GRIK2: variants seen among roughly 807,000 people sequenced by gnomAD.
GRIK2 encodes the protein glutamate ionotropic receptor kainate type subunit 2.
GRIK2 carries 32 observed loss-of-function variants against 100.3 expected under a neutral mutation model. That is an observed-to-expected ratio of 0.32 (90% CI 0.24 to 0.43). The LOEUF (loss-of-function observed/expected upper bound fraction) is 0.43, where lower values mean the gene tolerates loss of function less well. Ranked by LOEUF, GRIK2 falls within the 20% of genes least tolerant of loss-of-function variation. The pLI is 1.00. For missense variants in GRIK2, 843 were observed against 1,114.9 expected (o/e 0.76, Z 3.47); for synonymous variants, 417 against 389.4 (o/e 1.07, Z -0.83).
intron 14 of GRIK2, among the ~76,000 whole-genome samples, chr6:101,991,425 T>C (rs2128492276): frequency 6.6e-6 from 1 of 151,152 alleles, no homozygotes; most frequent in Admixed American, 6.6e-5. Flanking sequence ...ATATTTTCTT[T>C]TGTTTTGTAA....
At chr6:101,975,340 G>T (rs1252239189) in intron 14 of GRIK2, among the ~76,000 whole-genome samples, 2 of 151,922 alleles carry the variant, frequency 1.3e-5, no homozygotes, top group Non-Finnish European at 2.9e-5. Context: ...CAGGTATTTA[G>T]TCAGTGACCT....
At chr6:101,419,271 T>C (rs538325343) in intron 2 of GRIK2, among the ~76,000 whole-genome samples, 1 of 152,342 alleles carries the variant, frequency 6.6e-6, no homozygotes, top group Non-Finnish European at 1.5e-5. Context: ...CAGTTCTTTC[T>C]ACCTACAACC....
chr6:101,752,086 A>G (rs1425715557), intron 7 of GRIK2, among the ~76,000 whole-genome samples: 1 of 152,218 alleles, frequency 6.6e-6, no homozygotes, highest in East Asian at 1.9e-4. Flanking sequence ...TCCTTTATTT[A>G]CCACTTTTCA....
intron 14 of GRIK2, among the ~76,000 whole-genome samples, chr6:101,983,863 A>C (rs78508411): frequency 3.9e-4 from 59 of 151,804 alleles, no homozygotes; most frequent in Non-Finnish European, 7.2e-4. Flanking sequence ...AAATTCATAC[A>C]CTGGTCTTTA....
At chr6:101,402,943 T>A (rs1775402299) in intron 2 of GRIK2, among the ~76,000 whole-genome samples, 1 of 152,180 alleles carries the variant, frequency 6.6e-6, no homozygotes, top group Non-Finnish European at 1.5e-5. Flanking sequence ...GCCTCTAAGC[T>A]GAACTGCGGC....
chr6:101,850,444 T>G (rs1233130394), intron 10 of GRIK2, among the ~76,000 whole-genome samples: 2 of 152,024 alleles, frequency 1.3e-5, no homozygotes, highest in Non-Finnish European at 2.9e-5. Context: ...TTAATGTCCC[T>G]ATGTTTTAAG....
intron 14 of GRIK2, among the ~76,000 whole-genome samples, chr6:101,973,463 T>C (rs1793182627): frequency 6.6e-6 from 1 of 152,026 alleles, no homozygotes; most frequent in Admixed American, 6.6e-5. Context: ...CATTAAAACT[T>C]ATAATGCAAG....
chr6:102,038,695 C>T (rs920968037), intron 15 of GRIK2, among the ~76,000 whole-genome samples: 1 of 141,814 alleles, frequency 7.1e-6, no homozygotes, highest in East Asian at 2.1e-4. Context: ...AAAAATATTC[C>T]TTGAGGTTCT....
chr6:101,479,873 C>T (rs1772438069), intron 2 of GRIK2, among the ~76,000 whole-genome samples: 1 of 151,800 alleles, frequency 6.6e-6, no homozygotes. Flanking sequence ...TTTTAATTTC[C>T]TGTTTTAAGG....
intron 2 of GRIK2, among the ~76,000 whole-genome samples, chr6:101,614,858 C>T (rs1439673610): frequency 3.3e-5 from 5 of 151,732 alleles, no homozygotes; most frequent in African/African-American, 4.8e-5. Flanking sequence ...TTAGATGTGA[C>T]GTTGGTTGGT....
intron 2 of GRIK2, among the ~76,000 whole-genome samples, chr6:101,509,325 C>T (rs1020025455): frequency 1.3e-5 from 2 of 152,066 alleles, no homozygotes; most frequent in Non-Finnish European, 2.9e-5. Flanking sequence ...AAGATAAGGC[C>T]TTCAGTGTAT....
chr6:101,424,333 C>A (rs1398482848), intron 2 of GRIK2, among the ~76,000 whole-genome samples: 1 of 149,900 alleles, frequency 6.7e-6, no homozygotes, highest in African/African-American at 2.5e-5. Flanking sequence ...CCCCACCCCA[C>A]AACAGGCCCT....
At chr6:102,063,811 A>G (rs1771871642) in intron 16 of GRIK2, 2 of 496,450 alleles carry the variant, frequency 4.0e-6, no homozygotes, top group African/African-American at 2.0e-5. Context: ...AGTTCATACT[A>G]TCAAGATTTC....
At chr6:101,878,685 G>A (rs892507047) in intron 11 of GRIK2, among the ~76,000 whole-genome samples, 2 of 151,698 alleles carry the variant, frequency 1.3e-5, no homozygotes, top group South Asian at 2.1e-4. Context: ...ATTCGTTATC[G>A]TCTCTGAATT....
chr6:101,558,372 A>T (rs969887733), intron 2 of GRIK2, among the ~76,000 whole-genome samples: 31 of 152,212 alleles, frequency 2.0e-4, no homozygotes, highest in African/African-American at 6.5e-4. Context: ...TGAGTGCTCT[A>T]ACACAACTGT....
chr6:102,027,125 A>C (rs922740649), intron 14 of GRIK2, among the ~76,000 whole-genome samples: 1 of 151,406 alleles, frequency 6.6e-6, no homozygotes, highest in African/African-American at 2.4e-5. Context: ...TTTTCATAAC[A>C]AAATAAGAAT....
chr6:101,594,250 A>G (rs956263354), intron 2 of GRIK2, among the ~76,000 whole-genome samples: 4 of 151,784 alleles, frequency 2.6e-5, no homozygotes, highest in African/African-American at 9.7e-5. Flanking sequence ...TCAACATAGG[A>G]AAGTCAATGG....
intron 12 of GRIK2, among the ~76,000 whole-genome samples, chr6:101,923,765 C>G (rs1374632047): frequency 6.6e-6 from 1 of 151,480 alleles, no homozygotes; most frequent in Admixed American, 6.6e-5. Context: ...TATTAAAATG[C>G]AAAAAATTAG....
chr6:101,885,499 A>G (rs756349514), intron 11 of GRIK2, among the ~76,000 whole-genome samples: 2 of 152,102 alleles, frequency 1.3e-5, no homozygotes, highest in South Asian at 2.1e-4. Flanking sequence ...TTTCATTTGT[A>G]AAAAGGAAAT....
Sources: allele counts gnomAD v4.1 joint callset (sites outside exome capture counted in the v4.1 genomes callset), GRCh38; gene constraint gnomAD v4.1.1; transcripts MANE v1.5; gene names NCBI Gene and HGNC (gene_info 2026-07-23, HGNC 2026-07-21).